The following CDH20 variants were observed in gnomAD, a reference collection of about 807,000 sequenced individuals.
The protein encoded by CDH20 is cadherin-20.
A neutral mutation model predicts 74.2 loss-of-function variants in CDH20; 29 were observed. The ratio of observed to expected loss-of-function variants is 0.39; its 90% CI spans 0.29 to 0.53. The LOEUF (loss-of-function observed/expected upper bound fraction) is 0.53, where lower values mean the gene tolerates loss of function less well. Among genes scored for constraint, CDH20 ranks in the 20% least tolerant of loss-of-function variants. The pLI is 0.69. For missense variants in CDH20, 988 were observed against 1,048.3 expected, an observed-to-expected ratio of 0.94 and a Z score of 0.79; for synonymous variants, 469 against 405.4, an observed-to-expected ratio of 1.16 and a Z score of -1.88.
chr18:61,471,540 T>C (rs938393438), intron 1 of CDH20, among the ~76,000 whole-genome samples: 3 of 152,218 alleles, frequency 2.0e-5, no homozygotes, highest in African/African-American at 7.2e-5. Flanking sequence ...GCAACATGCA[T>C]TTTTTCCATT....
chr18:61,432,382 TCC>T (rs1323643169), intron 1 of CDH20, among the ~76,000 whole-genome samples: 1 of 152,002 alleles, frequency 6.6e-6, no homozygotes, highest in East Asian at 1.9e-4. Flanking sequence ...TCTTACTCCG[TCC>T]CCATCCACAA....
intron 1 of CDH20, among the ~76,000 whole-genome samples, chr18:61,482,035 A>G (rs1381103914): frequency 6.6e-6 from 1 of 151,246 alleles, no homozygotes; most frequent in African/African-American, 2.4e-5. Flanking sequence ...AACCCTAGCT[A>G]AGTTGAAGTT....
intron 1 of CDH20, among the ~76,000 whole-genome samples, chr18:61,345,699 T>C (rs1443527428): frequency 1.3e-5 from 2 of 152,146 alleles, no homozygotes; most frequent in African/African-American, 4.8e-5. Flanking sequence ...TCAGGATACT[T>C]CATGATGGGA....
chr18:61,459,805 C>G (rs552866703), intron 1 of CDH20, among the ~76,000 whole-genome samples: 1 of 151,336 alleles, frequency 6.6e-6, no homozygotes, highest in Admixed American at 6.6e-5. Context: ...TCTGCCTAAC[C>G]TCAGGTTATT....
intron 1 of CDH20, among the ~76,000 whole-genome samples, chr18:61,489,498 G>A (rs570877669): frequency 6.6e-6 from 1 of 151,872 alleles, no homozygotes; most frequent in African/African-American, 2.4e-5. Flanking sequence ...AGTAAGGGAA[G>A]AAAAGATTGA....
intron 1 of CDH20, among the ~76,000 whole-genome samples, chr18:61,464,016 C>A (rs1320464762): frequency 6.6e-6 from 1 of 152,158 alleles, no homozygotes; most frequent in Non-Finnish European, 1.5e-5. Context: ...CAGCATGGAG[C>A]CCGGCAGATA....
chr18:61,448,096 A>G (rs1418784315), intron 1 of CDH20, among the ~76,000 whole-genome samples: 1 of 152,196 alleles, frequency 6.6e-6, no homozygotes, highest in Non-Finnish European at 1.5e-5. Context: ...GCTACCAAAT[A>G]CTGACATTGC....
intron 7 of CDH20, among the ~76,000 whole-genome samples, chr18:61,533,463 T>C (rs1032541824): frequency 1.3e-4 from 20 of 152,248 alleles, no homozygotes; most frequent in African/African-American, 4.3e-4. Context: ...ATGGCAGCTA[T>C]TGTAATTACT....
chr18:61,545,278 ATTTT>A (rs5825448), intron 10 of CDH20, 134 bp downstream of exon 10: 985 of 479,104 alleles, frequency 2.1e-3, no homozygotes, highest in Middle Eastern at 3.4e-3. Context: ...AATTCAGTGT[ATTTT>A]TTTTTTTTTT....
Position 61,490,453 on chromosome 18 carries a change from T to C in CDH20, c.-101T>C, listed in dbSNP as rs765637114. The C allele has an allele frequency of 2.3e-4, 268 of 1,174,554 alleles. No individual in the cohort carries two copies. Among genetic ancestry groups the C allele is most frequent in the Non-Finnish European group, 3.2e-4 (258 of 812,354 alleles). 72.8% of individuals were successfully genotyped at this position (1,174,554 alleles called of 1,614,324 possible). Reference sequence around the variant, plus strand: ...GAAACGGGATCTCATTTAGGAAGCATAAGTGTCCAATCAAAAACTGTGTAT... The same window carrying C: ...GAAACGGGATCTCATTTAGGAAGCACAAGTGTCCAATCAAAAACTGTGTAT... On this transcript the variant is annotated 5_prime_UTR_variant, in exon 2 of 12. Transcript: ENST00000262717.
chr18:61,473,312 G>C (rs1221701019), intron 1 of CDH20, among the ~76,000 whole-genome samples: 1 of 152,122 alleles, frequency 6.6e-6, no homozygotes, highest in Non-Finnish European at 1.5e-5. Flanking sequence ...CATTAATAAG[G>C]CTTTCTTTTT....
intron 5 of CDH20, 68 bp from the exon 6 acceptor site, chr18:61,507,305 T>C (rs1314736670): frequency 2.7e-5 from 38 of 1,423,194 alleles, no homozygotes; most frequent in Non-Finnish European, 3.5e-5. Flanking sequence ...ACTCCTGATA[T>C]GATAATGATG....
intron 1 of CDH20, among the ~76,000 whole-genome samples, chr18:61,399,211 G>A (rs1346638995): frequency 1.3e-5 from 2 of 151,352 alleles, no homozygotes; most frequent in Non-Finnish European, 2.9e-5. Context: ...TTTCAGTGGG[G>A]TTCATAGAAC....
intron 3 of CDH20, among the ~76,000 whole-genome samples, chr18:61,499,963 G>A (rs1293504831): frequency 1.3e-5 from 2 of 151,672 alleles, no homozygotes; most frequent in Non-Finnish European, 2.9e-5. Flanking sequence ...AATTAGCCTG[G>A]TGTGGTGGTG....
intron 8 of CDH20, 67 bp from the exon 9 acceptor site, chr18:61,538,957 C>T: frequency 6.7e-7 from 1 of 1,497,290 alleles, no homozygotes. Context: ...TAGCAAAAAC[C>T]ATTACTCTTT....
chr18:61,444,060 G>C (rs1951510115), intron 1 of CDH20, among the ~76,000 whole-genome samples: 1 of 152,120 alleles, frequency 6.6e-6, no homozygotes. Context: ...AGACCCTTTA[G>C]AGTTTGGGGC....
At chr18:61,517,028 A>T (rs2144350154) in intron 6 of CDH20, among the ~76,000 whole-genome samples, 1 of 152,326 alleles carries the variant, frequency 6.6e-6, no homozygotes, top group Admixed American at 6.5e-5. Context: ...CTTTCAACAG[A>T]TGCTGGAACA....
chr18:61,335,657 A>C (rs990767297), intron 1 of CDH20, among the ~76,000 whole-genome samples: 1 of 152,226 alleles, frequency 6.6e-6, no homozygotes, highest in Non-Finnish European at 1.5e-5. Context: ...CAGATACTCA[A>C]GTAACTGTGC....
At chr18:61,387,784 G>A (rs972558138) in intron 1 of CDH20, among the ~76,000 whole-genome samples, 2 of 152,068 alleles carry the variant, frequency 1.3e-5, no homozygotes, top group South Asian at 4.1e-4. Context: ...AATCAACAAT[G>A]TCTACCCAAT....
Sources: allele counts gnomAD v4.1 joint callset (sites outside exome capture counted in the v4.1 genomes callset), GRCh38; gene constraint gnomAD v4.1.1; transcripts MANE v1.5; gene names NCBI Gene and HGNC (gene_info 2026-07-23, HGNC 2026-07-21).